The following RAPGEF2 variants were observed in gnomAD, a reference collection of about 807,000 sequenced individuals.
RAPGEF2 encodes PDZ domain containing guanine nucleotide exchange factor (GEF) 1.
A neutral mutation model predicts 186.7 loss-of-function variants in RAPGEF2; 54 were observed. The ratio of observed to expected loss-of-function variants is 0.29; its 90% CI spans 0.23 to 0.36. The LOEUF (loss-of-function observed/expected upper bound fraction) is 0.36, where lower values mean the gene tolerates loss of function less well. Ranked by LOEUF, RAPGEF2 falls within the 10% of genes least tolerant of loss-of-function variation. RAPGEF2 has a pLI of 1.00. For synonymous variants in RAPGEF2, 712 were observed against 705.9 expected (o/e 1.01, Z -0.14); for missense variants, 1,532 against 2,045.0 (o/e 0.75, Z 4.84).
intron 4 of RAPGEF2, among the ~76,000 whole-genome samples, chr4:159,222,789 G>C (rs942250579): frequency 4.6e-5 from 7 of 152,074 alleles, no homozygotes; most frequent in Non-Finnish European, 7.4e-5. Flanking sequence ...AATAACAAGA[G>C]TAAGAATATG....
At chr4:159,237,504 TG>T (rs981361254) in intron 4 of RAPGEF2, among the ~76,000 whole-genome samples, 1 of 152,110 alleles carries the variant, frequency 6.6e-6, no homozygotes, top group African/African-American at 2.4e-5. Context: ...TTGGCTTTTC[TG>T]TTTTCTTCCT....
chr4:159,144,879 G>GT lies in RAPGEF2; in HGVS notation c.69+40674dup, dbSNP rs137978885. ...CTTCTTAATTTTTTTCTTTCTTCCT[G>GT]TTTTTTTTTTTTTTTTTTTTTTTTT... is the stretch of plus-strand genomic sequence containing the variant. On this transcript the variant is annotated intron_variant, in intron 1 of 29. Transcript: ENST00000691494. Among the ~76,000 whole-genome samples the GT allele has an allele frequency of 6.5e-3, 603 of 92,270 alleles. 59 individuals are homozygous for GT. Among genetic ancestry groups the GT allele is most frequent in the African/African-American group, 0.024 (562 of 23,522 alleles). The allele number at this position is 92,270 out of a possible 152,430, so 60.5% of individuals were successfully genotyped here.
intron 8 of RAPGEF2, among the ~76,000 whole-genome samples, chr4:159,305,869 A>C (rs1763220025): frequency 5.3e-5 from 8 of 152,064 alleles, no homozygotes; most frequent in Admixed American, 5.2e-4. Context: ...GTCCAGTTTC[A>C]TTATATGGTA....
At chr4:159,198,415 T>C (rs954513304) in intron 3 of RAPGEF2, among the ~76,000 whole-genome samples, 4 of 80,612 alleles carry the variant, frequency 5.0e-5, no homozygotes, top group Admixed American at 2.2e-4. Context: ...CCTCTCTTCC[T>C]CTCTCTCTCT....
chr4:159,285,789 C>G (rs1331004913), intron 7 of RAPGEF2, among the ~76,000 whole-genome samples: 1 of 152,062 alleles, frequency 6.6e-6, no homozygotes, highest in Non-Finnish European at 1.5e-5. Context: ...ATATTCCCTC[C>G]CTCATCATCA....
chr4:159,197,085 A>G (rs1748726510), intron 3 of RAPGEF2, among the ~76,000 whole-genome samples: 1 of 152,236 alleles, frequency 6.6e-6, no homozygotes, highest in South Asian at 2.1e-4. Context: ...GAGGCGGATA[A>G]TATGAATTCC....
At chr4:159,175,797 T>G (rs1031431680) in intron 1 of RAPGEF2, among the ~76,000 whole-genome samples, 8 of 152,202 alleles carry the variant, frequency 5.3e-5, no homozygotes, top group African/African-American at 1.9e-4. Context: ...AAAACACATT[T>G]CCTGCATTTC....
chr4:159,207,092 C>T (rs1233764894), intron 3 of RAPGEF2, among the ~76,000 whole-genome samples: 1 of 152,216 alleles, frequency 6.6e-6, no homozygotes, highest in African/African-American at 2.4e-5. Context: ...TGGTCATTCT[C>T]TGCAAATGCC....
intron 1 of RAPGEF2, among the ~76,000 whole-genome samples, chr4:159,131,717 A>C (rs2111133510): frequency 6.6e-6 from 1 of 151,602 alleles, no homozygotes; most frequent in African/African-American, 2.4e-5. Context: ...TACTTGGGAA[A>C]GTTATCGGGT....
intron 26 of RAPGEF2, chr4:159,350,934 C>G (rs1157837543): frequency 1.5e-5 from 17 of 1,145,592 alleles, no homozygotes; most frequent in Non-Finnish European, 2.4e-6. Context: ...TTAAATTTCA[C>G]TGACTCAACA....
At chr4:159,352,465 C>T (rs1731327503) in intron 26 of RAPGEF2, 1 of 491,264 alleles carries the variant, frequency 2.0e-6, no homozygotes, top group Non-Finnish European at 3.6e-6. Context: ...TTGTAGGATA[C>T]TTTCTTTTTT....
intron 9 of RAPGEF2, among the ~76,000 whole-genome samples, chr4:159,320,049 T>G (rs985754221): frequency 1.3e-5 from 2 of 152,184 alleles, no homozygotes; most frequent in Non-Finnish European, 2.9e-5. Flanking sequence ...CCCATGAATC[T>G]TTGCTTGTCC....
intron 16 of RAPGEF2, 37 bp downstream of exon 16, chr4:159,332,071 G>A (rs775053735): frequency 4.3e-6 from 6 of 1,399,752 alleles, no homozygotes; most frequent in Non-Finnish European, 4.9e-6. Flanking sequence ...TTCTCCTTTT[G>A]GCCTTGTTTT....
intron 1 of RAPGEF2, among the ~76,000 whole-genome samples, chr4:159,126,677 C>T (rs1379763558): frequency 1.3e-5 from 2 of 152,184 alleles, no homozygotes; most frequent in Non-Finnish European, 2.9e-5. Flanking sequence ...CAGGAACCCA[C>T]ACTTATCCTT....
chr4:159,331,730 C>T lies in RAPGEF2; in HGVS notation c.1676C>T (p.Pro559Leu). Reference protein sequence around the residue: ...LTKPSREAPLPFILLGGSEKG... With the variant: ...LTKPSREAPLLFILLGGSEKG... ...AAACCATCCCGAGAAGCTCCTTTGC[C>T]TTTTATCTTACTTGGAGGCTCTGAG... is the stretch of plus-strand genomic sequence containing the variant. The change falls in exon 15 of 30, where the codon CCT becomes CTT. Residue 559 changes from proline (P) to leucine (L), a missense_variant. Pro to Leu is a moderately conservative substitution (Grantham distance 98). Coordinates refer to ENST00000691494, the MANE Select transcript of RAPGEF2 (RefSeq NM_001394067.2). The T allele has an allele frequency of 6.2e-7, 1 of 1,614,050 alleles. No individual in the cohort carries two copies. Among genetic ancestry groups the T allele is most frequent in the Non-Finnish European group, 8.5e-7 (1 of 1,179,992 alleles).
chr4:159,243,625 G>A, intron 6 of RAPGEF2, 149 bp from the exon 7 acceptor site: 2 of 427,666 alleles, frequency 4.7e-6, no homozygotes, highest in Non-Finnish European at 8.4e-6. Flanking sequence ...AATAACATGG[G>A]AAGCATTATA....
At chr4:159,285,279 T>C (rs1300966343) in intron 7 of RAPGEF2, among the ~76,000 whole-genome samples, 1 of 152,208 alleles carries the variant, frequency 6.6e-6, no homozygotes, top group Non-Finnish European at 1.5e-5. Context: ...ATAACAAATA[T>C]CAAAGTTTAT....
intron 26 of RAPGEF2, among the ~76,000 whole-genome samples, chr4:159,351,413 C>G (rs777129596): frequency 1.3e-5 from 2 of 151,958 alleles, no homozygotes; most frequent in African/African-American, 2.4e-5. Flanking sequence ...TAAATCTTAT[C>G]AAGACCTGTG....
chr4:159,193,939 T>G (rs1748370391), intron 3 of RAPGEF2, among the ~76,000 whole-genome samples: 1 of 152,182 alleles, frequency 6.6e-6, no homozygotes, highest in Admixed American at 6.5e-5. Context: ...AGCTTCTGCC[T>G]TTAAGGAGTT....
Sources: gnomAD v4.1 joint callset for allele counts (sites outside exome capture counted in the v4.1 genomes callset) on GRCh38, gnomAD v4.1.1 for gene constraint, MANE v1.5 for transcripts, NCBI Gene and HGNC (gene_info 2026-07-23, HGNC 2026-07-21) for gene names.